PDK1: variants seen among roughly 807,000 people sequenced by gnomAD.
PDK1 encodes the protein [Pyruvate dehydrogenase (acetyl-transferring)] kinase isozyme 1, mitochondrial.
In PDK1, 39 loss-of-function variants were observed where a neutral mutation model predicts 54.2. The ratio of observed to expected loss-of-function variants is 0.72; its 90% CI spans 0.56 to 0.94. The LOEUF (loss-of-function observed/expected upper bound fraction) is 0.94, where lower values mean the gene tolerates loss of function less well. Among genes scored for constraint, PDK1 ranks in the 40% least tolerant of loss-of-function variants. The probability of loss-of-function intolerance (pLI) is 0.00; values close to 1 mark genes in which losing one functional copy is unlikely to be tolerated. For synonymous variants in PDK1, 221 were observed against 207.1 expected, an observed-to-expected ratio of 1.07 and a Z score of -0.58; for missense variants, 552 against 566.0, an observed-to-expected ratio of 0.98 and a Z score of 0.25.
Position 172,560,149 on chromosome 2 carries a change from T to C in PDK1, c.338+1300T>C, listed in dbSNP as rs564756986. On this transcript the variant is annotated intron_variant, in intron 2 of 10. Transcript: ENST00000282077. ...CATGAGCCATTGTGTCTAGCCTGTT[T>C]ATTATTTTTTAAATTAATTTATTTT... 5.7e-3 allele frequency among the ~76,000 whole-genome samples: 864 copies of C among 152,336 alleles called. 6 individuals are homozygous for C. The highest frequency in any genetic ancestry group is 9.1e-3 in the Non-Finnish European group (619 of 68,026).
At chr2:172,634,447 A>G in the PDK1 span, among the ~76,000 whole-genome samples, 1 of 151,386 alleles carries the variant, frequency 6.6e-6, no homozygotes, top group Admixed American at 6.6e-5. Context: ...TAATTTTTGT[A>G]TTTTTAGTAG....
rs200172534 is a variant in PDK1 at position 172,562,213 on chromosome 2, A to G, written c.339-7A>G. The G allele has an allele frequency of 2.1e-4, 317 of 1,511,482 alleles. No individual in the cohort carries two copies. The highest frequency in any genetic ancestry group is 2.7e-4 in the Non-Finnish European group (299 of 1,089,666). 93.6% of individuals were successfully genotyped at this position (1,511,482 alleles called of 1,614,324 possible). On this transcript the variant is annotated splice_polypyrimidine_tract_variant and splice_region_variant and intron_variant, in intron 2 of 10. Transcript: ENST00000282077. ...GAACAAACTTATCCTATTGATCTGC[A>G]TTTTAGGTATATCCAGAGTCTTCAG...
intron 5 of PDK1, among the ~76,000 whole-genome samples, chr2:172,566,191 T>C (rs1237306123): frequency 6.6e-6 from 1 of 151,936 alleles, no homozygotes; most frequent in Non-Finnish European, 1.5e-5. Context: ...CATATAGACT[T>C]TTACATTTTT....
At chr2:172,649,420 C>T in the PDK1 span, among the ~76,000 whole-genome samples, 5 of 152,136 alleles carry the variant, frequency 3.3e-5, no homozygotes, top group African/African-American at 1.2e-4. Flanking sequence ...AATCAGAGTG[C>T]CTCTTCTCCT....
intron 5 of PDK1, 81 bp from the exon 6 acceptor site, chr2:172,566,775 G>A: frequency 1.4e-6 from 1 of 733,538 alleles, no homozygotes; most frequent in Non-Finnish European, 2.2e-6. Context: ...ACTTTGATTT[G>A]TCAATACCAT....
intron 8 of PDK1, 26 bp downstream of exon 8, chr2:172,570,850 CTTTTTTT>C: frequency 1.0e-6 from 1 of 999,304 alleles, no homozygotes; most frequent in South Asian, 1.5e-5. Flanking sequence ...GGTTTGTTTT[CTTTTTTT>C]TTTTTTTGTA....
At chr2:172,646,142 A>C in the PDK1 span, among the ~76,000 whole-genome samples, 1 of 152,246 alleles carries the variant, frequency 6.6e-6, no homozygotes, top group Non-Finnish European at 1.5e-5. Context: ...ATAGATAATA[A>C]TATGCAAAAT....
the PDK1 span, among the ~76,000 whole-genome samples, chr2:172,687,691 G>T: frequency 6.6e-6 from 1 of 152,194 alleles, no homozygotes; most frequent in Non-Finnish European, 1.5e-5. Context: ...TCAGGCTGGG[G>T]TTGCTATAAA....
At chr2:172,622,146 G>A in the PDK1 span, among the ~76,000 whole-genome samples, 5 of 137,518 alleles carry the variant, frequency 3.6e-5, no homozygotes, top group Non-Finnish European at 7.9e-5. Context: ...TGTGAGATAT[G>A]TTTATATCAT....
Position 172,598,459 on chromosome 2 carries a change from G to A in PDK1, c.*2490G>A, listed in dbSNP as rs990989343. 1.3e-5 allele frequency: 2 copies of A among 152,148 alleles called. No individual in the cohort carries two copies. The highest frequency in any genetic ancestry group is 4.8e-5 in the African/African-American group (2 of 41,434). 9.4% of individuals were successfully genotyped at this position (152,148 alleles called of 1,614,324 possible). A position where few individuals can be genotyped will look rare whatever the true frequency, so the allele number is the denominator to read the frequency against. ...TTTTAAATCATTGTGCCACCTGAAA[G>A]GTTTTTAGATTTTATAGGAGCTAAT... On this transcript the variant is annotated 3_prime_UTR_variant, in exon 11 of 11. Coordinates refer to ENST00000282077, the MANE Select transcript of PDK1 (RefSeq NM_002610.5).
At chr2:172,643,446 G>A in the PDK1 span, among the ~76,000 whole-genome samples, 3 of 152,188 alleles carry the variant, frequency 2.0e-5, no homozygotes, top group South Asian at 2.1e-4. Context: ...CTGTGCTTCC[G>A]AGGGCTGTGC....
downstream of PDK1, among the ~76,000 whole-genome samples, chr2:172,608,923 G>C (rs1290373486): frequency 2.0e-5 from 3 of 152,054 alleles, no homozygotes; most frequent in African/African-American, 7.2e-5. Context: ...TTGGTAATTG[G>C]ATATTTTCAT....
At chr2:172,668,811 TTATATA>T in the PDK1 span, among the ~76,000 whole-genome samples, 1 of 145,928 alleles carries the variant, frequency 6.9e-6, no homozygotes, top group Admixed American at 7.0e-5. Context: ...TATATATACA[TTATATA>T]TATATACACA....
chr2:172,586,414 G>T, intron 9 of PDK1, 26 bp downstream of exon 9: 11 of 1,403,748 alleles, frequency 7.8e-6, no homozygotes, highest in Middle Eastern at 1.8e-4. Context: ...ATAATGAAGT[G>T]TGTTTCTGTG....
At chr2:172,636,696 G>A in the PDK1 span, among the ~76,000 whole-genome samples, 3 of 148,642 alleles carry the variant, frequency 2.0e-5, no homozygotes, top group African/African-American at 7.5e-5. Context: ...CCTCCAGCCT[G>A]GGCGACAGAG....
At position 172,579,525 on chromosome 2, in the gene PDK1, CTTTTTTTT is replaced by C. The variant is rs10660737; in HGVS notation, c.946-6743_946-6736del. 7.3e-5 allele frequency among the ~76,000 whole-genome samples: 9 copies of C among 122,558 alleles called. No homozygotes were observed. In the South Asian group the frequency reaches 2.5e-3, roughly 34 times the overall value. The allele number at this position is 122,558 out of a possible 152,430, so 80.4% of individuals were successfully genotyped here. A position where few individuals can be genotyped will look rare whatever the true frequency, so the allele number is the denominator to read the frequency against. The stretch of plus-strand genomic sequence containing the variant: ...TTTGCACCCCCCTCCCCCGCTCTTT[CTTTTTTTT>C]TTTTTTTTTGGTGCTTTGATAGAGG... On this transcript the variant is annotated intron_variant, in intron 8 of 10. Coordinates refer to ENST00000282077, the MANE Select transcript of PDK1 (RefSeq NM_002610.5).
At chr2:172,712,408 T>C in the PDK1 span, among the ~76,000 whole-genome samples, 1 of 152,194 alleles carries the variant, frequency 6.6e-6, no homozygotes, top group African/African-American at 2.4e-5. Flanking sequence ...CAGGCTTCAC[T>C]TGGCTTTCGC....
the PDK1 span, among the ~76,000 whole-genome samples, chr2:172,688,750 T>C: frequency 9.9e-5 from 15 of 151,904 alleles, no homozygotes; most frequent in African/African-American, 2.4e-5. Context: ...ACCTAGGCCA[T>C]TCACTGGCTG....
the PDK1 span, among the ~76,000 whole-genome samples, chr2:172,721,735 A>G: frequency 6.6e-6 from 1 of 152,234 alleles, no homozygotes; most frequent in Admixed American, 6.5e-5. Flanking sequence ...CCAAAATTTC[A>G]TCTTCACATT....
Sources: gnomAD v4.1 joint callset for allele counts (sites outside exome capture counted in the v4.1 genomes callset) on GRCh38, gnomAD v4.1.1 for gene constraint, MANE v1.5 for transcripts, NCBI Gene and HGNC (gene_info 2026-07-23, HGNC 2026-07-21) for gene names.